THSD4: variants seen among roughly 807,000 people sequenced by gnomAD.
THSD4 encodes the protein thrombospondin type 1 domain containing 4.
In THSD4, 69 loss-of-function variants were observed where a neutral mutation model predicts 119.0. The ratio of observed to expected loss-of-function variants is 0.58; its 90% CI spans 0.48 to 0.71. The LOEUF is 0.71. Ranked by LOEUF, THSD4 falls within the 30% of genes least tolerant of loss-of-function variation. The probability of loss-of-function intolerance (pLI) is 0.00; values close to 1 mark genes in which losing one functional copy is unlikely to be tolerated. For synonymous variants in THSD4, 524 were observed against 540.4 expected, an observed-to-expected ratio of 0.97 and a Z score of 0.42; for missense variants, 1,393 against 1,391.1, an observed-to-expected ratio of 1.00 and a Z score of -0.02.
At position 71,216,762 on chromosome 15, in the gene THSD4, T is replaced by C. The variant is rs1405168303; in HGVS notation, c.464+1363T>C. On this transcript the variant is annotated intron_variant, in intron 4 of 17. Coordinates refer to ENST00000261862, the MANE Select transcript of THSD4 (RefSeq NM_024817.3). ...GAAGGCTAGATGTACGTTGTCTCTT[T>C]TGATCCCAGCCACAATGCCGTAATA... is the stretch of plus-strand genomic sequence containing the variant. Among the ~76,000 whole-genome samples the C allele has an allele frequency of 3.9e-5, 6 of 152,358 alleles. No homozygotes were observed. The East Asian group carries it at 1.2e-3, about 29-fold the overall frequency.
intron 7 of THSD4, among the ~76,000 whole-genome samples, chr15:71,490,698 C>T (rs1342359378): frequency 2.0e-5 from 3 of 152,136 alleles, no homozygotes; most frequent in African/African-American, 4.8e-5. Context: ...CACTGCACTC[C>T]AGCCTGGGTA....
rs1243681230 is a variant in THSD4, at chr15:71,780,787, C to T, written c.*3413C>T. On this transcript the variant is annotated 3_prime_UTR_variant, in exon 18 of 18. Transcript: ENST00000261862. ...CTTTATTTTCTTATGTACTCATCTA[C>T]TTATTCTCAAAGTATTTAGCATTCA... 3.5e-5 allele frequency: 16 copies of T among 455,948 alleles called. No homozygotes were observed. The highest frequency in any genetic ancestry group is 2.3e-4 in the South Asian group (15 of 64,500). The allele number at this position is 455,948 out of a possible 1,614,324, so 28.2% of individuals were successfully genotyped here. A position where few individuals can be genotyped will look rare whatever the true frequency, so the allele number is the denominator to read the frequency against.
chr15:71,193,838 C>G (rs1396011718), intron 3 of THSD4, among the ~76,000 whole-genome samples: 1 of 151,948 alleles, frequency 6.6e-6, no homozygotes, highest in Non-Finnish European at 1.5e-5. Flanking sequence ...CTCCCTAGTC[C>G]CCCCTGGGAC....
intron 3 of THSD4, among the ~76,000 whole-genome samples, chr15:71,210,896 C>T (rs2043883280): frequency 6.6e-6 from 1 of 151,988 alleles, no homozygotes; most frequent in Non-Finnish European, 1.5e-5. Context: ...AGGTTGCTTC[C>T]TTTTTTTACT....
chr15:71,468,857 A>G (rs1191371928), intron 7 of THSD4, among the ~76,000 whole-genome samples: 1 of 152,222 alleles, frequency 6.6e-6, no homozygotes, highest in Non-Finnish European at 1.5e-5. Flanking sequence ...CCCTCCCTTT[A>G]AGAATATCCC....
intron 7 of THSD4, among the ~76,000 whole-genome samples, chr15:71,551,836 A>G (rs2048934410): frequency 6.6e-6 from 1 of 152,186 alleles, no homozygotes; most frequent in South Asian, 2.1e-4. Flanking sequence ...CCCACAAGGA[A>G]AGCAGGTGTT....
At chr15:71,361,741 A>C (rs911355385) in intron 6 of THSD4, among the ~76,000 whole-genome samples, 1 of 152,210 alleles carries the variant, frequency 6.6e-6, no homozygotes, top group African/African-American at 2.4e-5. Context: ...AAACAGTATC[A>C]ATGCTATGGG....
chr15:71,665,765 A>G (rs759780718), intron 8 of THSD4, among the ~76,000 whole-genome samples: 3 of 152,050 alleles, frequency 2.0e-5, no homozygotes, highest in Non-Finnish European at 2.9e-5. Flanking sequence ...TCCTTTCCCA[A>G]TTGCTTGTTT....
chr15:71,535,411 C>T (rs985218746), intron 7 of THSD4, among the ~76,000 whole-genome samples: 4 of 152,134 alleles, frequency 2.6e-5, no homozygotes, highest in South Asian at 2.1e-4. Flanking sequence ...ACGTCCATTT[C>T]GGGGGTTGGG....
intron 3 of THSD4, among the ~76,000 whole-genome samples, chr15:71,211,412 C>G (rs1305982228): frequency 6.6e-6 from 1 of 152,078 alleles, no homozygotes; most frequent in Non-Finnish European, 1.5e-5. Flanking sequence ...GCTGCCTTCT[C>G]CCTGTGTTCT....
chr15:71,192,944 T>G (rs1292701481), intron 3 of THSD4, among the ~76,000 whole-genome samples: 1 of 152,112 alleles, frequency 6.6e-6, no homozygotes, highest in Non-Finnish European at 1.5e-5. Flanking sequence ...TCTTCCTACG[T>G]TTCTGTTTTT....
intron 4 of THSD4, among the ~76,000 whole-genome samples, chr15:71,224,846 A>T (rs770409763): frequency 6.6e-6 from 1 of 152,152 alleles, no homozygotes; most frequent in Non-Finnish European, 1.5e-5. Context: ...TTGTGATTAC[A>T]CTGGACCCAC....
intron 7 of THSD4, among the ~76,000 whole-genome samples, chr15:71,456,190 G>A (rs934170426): frequency 1.3e-5 from 2 of 152,138 alleles, no homozygotes. Context: ...AAAATGTCCC[G>A]TTAAGCATCC....
chr15:71,243,154 T>A (rs1449127339), intron 5 of THSD4, 58 bp downstream of exon 5: 2 of 1,534,720 alleles, frequency 1.3e-6, no homozygotes, highest in African/African-American at 2.7e-5. Context: ...TTTTCTGTCA[T>A]TTGGCACTAA....
At chr15:71,299,899 G>A (rs1048190150) in intron 6 of THSD4, among the ~76,000 whole-genome samples, 1 of 149,822 alleles carries the variant, frequency 6.7e-6, no homozygotes, top group East Asian at 2.0e-4. Flanking sequence ...GCCCAGGCAG[G>A]ATTGTTTGAG....
At chr15:71,225,919 C>T (rs1002965807) in intron 4 of THSD4, among the ~76,000 whole-genome samples, 5 of 152,084 alleles carry the variant, frequency 3.3e-5, no homozygotes, top group Non-Finnish European at 7.4e-5. Flanking sequence ...CTCTTCAATT[C>T]CCTCCATTCA....
chr15:71,593,914 C>CA (rs974043407), intron 7 of THSD4, among the ~76,000 whole-genome samples: 8 of 150,252 alleles, frequency 5.3e-5, no homozygotes, highest in East Asian at 2.0e-4. Context: ...CCCTTCCCAC[C>CA]CCCCCGGCAA....
At chr15:71,710,540 C>T (rs572161645) in intron 8 of THSD4, among the ~76,000 whole-genome samples, 69 of 152,208 alleles carry the variant, frequency 4.5e-4, no homozygotes, top group Admixed American at 8.5e-4. Flanking sequence ...GAAACTAGAC[C>T]CAGGTCAATT....
At position 71,570,050 on chromosome 15, in the gene THSD4, G is replaced by A. The variant is rs145539523; in HGVS notation, c.1153-90480G>A. ...TATTTATTGAGTTAAGTAAGTTGGGGCAATAAAATAAAGCGGATAAAATAT... is the reference window on the plus strand; with the variant it reads ...TATTTATTGAGTTAAGTAAGTTGGGACAATAAAATAAAGCGGATAAAATAT... On this transcript the variant is annotated intron_variant, in intron 7 of 17. Transcript: ENST00000261862. Among the ~76,000 whole-genome samples, 183 of 152,208 alleles carry A rather than the reference G, an allele frequency of 1.2e-3. 1 individual carries two copies. Among genetic ancestry groups the A allele is most frequent in the African/African-American group, 4.2e-3 (175 of 41,528 alleles).
Sources: allele counts gnomAD v4.1 joint callset (sites outside exome capture counted in the v4.1 genomes callset), GRCh38; gene constraint gnomAD v4.1.1; transcripts MANE v1.5; gene names NCBI Gene and HGNC (gene_info 2026-07-23, HGNC 2026-07-21).